Variants in SORCS1 observed in about 807,000 individuals in gnomAD.
SORCS1 encodes the protein sortilin related VPS10 domain containing receptor 1, also known as VPS10 domain-containing receptor SorCS1.
A neutral mutation model predicts 146.1 loss-of-function variants in SORCS1; 60 were observed. The ratio of observed to expected loss-of-function variants is 0.41; its 90% CI spans 0.33 to 0.51. The LOEUF (loss-of-function observed/expected upper bound fraction) is 0.51. SORCS1 is among the 20% of genes least tolerant of loss of function. The pLI is 0.21. For synonymous variants in SORCS1, 637 were observed against 584.0 expected, an observed-to-expected ratio of 1.09 and a Z score of -1.31; for missense variants, 1,352 against 1,487.6, an observed-to-expected ratio of 0.91 and a Z score of 1.50.
chr10:106,897,327 G>A (rs576310652), intron 2 of SORCS1, among the ~76,000 whole-genome samples: 1 of 151,978 alleles, frequency 6.6e-6, no homozygotes, highest in Non-Finnish European at 1.5e-5. Context: ...ACCATACCTG[G>A]CCCCCAAAAC....
At chr10:107,058,170 T>C (rs1308168500) in intron 1 of SORCS1, among the ~76,000 whole-genome samples, 1 of 152,110 alleles carries the variant, frequency 6.6e-6, no homozygotes, top group Non-Finnish European at 1.5e-5. Flanking sequence ...GCCTCCTGAG[T>C]AGCTGGGACT....
intron 1 of SORCS1, among the ~76,000 whole-genome samples, chr10:107,020,327 G>A (rs1157203695): frequency 6.6e-6 from 1 of 152,206 alleles, no homozygotes; most frequent in Non-Finnish European, 1.5e-5. Flanking sequence ...GAGTAGGCCT[G>A]TAGAATTCTG....
At position 106,939,344 on chromosome 10, in the gene SORCS1, A is replaced by T. The variant is rs569258110; in HGVS notation, c.626+17169T>A. Among the ~76,000 whole-genome samples, 7 of 152,328 alleles carry T rather than the reference A, an allele frequency of 4.6e-5. No homozygotes were observed. In the South Asian group the frequency reaches 1.0e-3, roughly 23 times the overall value. ...ATTTGGTTTAGGATTGGAGATGGGGAAGACAAACTTGTGAAATTATCTTAT... is the reference window on the plus strand; with the variant it reads ...ATTTGGTTTAGGATTGGAGATGGGGTAGACAAACTTGTGAAATTATCTTAT... On this transcript the variant is annotated intron_variant, in intron 2 of 25. Transcript: ENST00000263054.
chr10:106,841,402 G>A (rs920626067), intron 2 of SORCS1, among the ~76,000 whole-genome samples: 1 of 152,028 alleles, frequency 6.6e-6, no homozygotes, highest in African/African-American at 2.4e-5. Flanking sequence ...CTCAGGAGGT[G>A]GAGGTTGAAA....
Position 106,877,520 on chromosome 10 carries a change from G to A in SORCS1, c.627-47847C>T, listed in dbSNP as rs1009502572. On this transcript the variant is annotated intron_variant, in intron 2 of 25. Transcript: ENST00000263054. ...TGCACTCCAATCAGGGTGACAGACC[G>A]AGTCCATCTCAAAACAGAACAAAAC... Among the ~76,000 whole-genome samples the A allele has an allele frequency of 6.6e-5, 10 of 152,140 alleles. No homozygotes were observed. In the South Asian group the frequency reaches 1.2e-3, roughly 19 times the overall value.
At chr10:107,092,157 T>C (rs1033581229) in intron 1 of SORCS1, among the ~76,000 whole-genome samples, 1 of 152,212 alleles carries the variant, frequency 6.6e-6, no homozygotes, top group African/African-American at 2.4e-5. Flanking sequence ...AGTTCAGAAA[T>C]GCTTCTAAGC....
At chr10:106,738,344 CA>C (rs1183812547) in intron 5 of SORCS1, among the ~76,000 whole-genome samples, 3 of 152,098 alleles carry the variant, frequency 2.0e-5, no homozygotes, top group African/African-American at 7.2e-5. Flanking sequence ...TAAATGTGAG[CA>C]AATCACAAAG....
chr10:106,629,172 G>A (rs1411186229), intron 19 of SORCS1, 30 bp downstream of exon 19: 1 of 1,582,198 alleles, frequency 6.3e-7, no homozygotes, highest in African/African-American at 1.3e-5. Context: ...ATTTAAGATA[G>A]GTCATAAACC....
At chr10:106,764,006 C>T (rs777298106) in intron 4 of SORCS1, among the ~76,000 whole-genome samples, 14 of 152,284 alleles carry the variant, frequency 9.2e-5, no homozygotes, top group South Asian at 2.1e-4. Flanking sequence ...TTCCTAGTCA[C>T]GTTTCTACCT....
intron 21 of SORCS1, 146 bp downstream of exon 21, chr10:106,618,003 T>G: frequency 1.9e-6 from 2 of 1,038,214 alleles, no homozygotes; most frequent in Non-Finnish European, 2.8e-6. Flanking sequence ...CAGGAGAAGA[T>G]GAGACTCGCC....
chr10:106,945,809 G>A (rs1954309041), intron 2 of SORCS1, among the ~76,000 whole-genome samples: 2 of 152,204 alleles, frequency 1.3e-5, no homozygotes, highest in Admixed American at 1.3e-4. Flanking sequence ...GGCAAACAAG[G>A]AGAGCAGGGG....
rs117584602 is a variant in SORCS1, at chr10:106,614,558, G to A, written c.2921-2535C>T. On this transcript the variant is annotated intron_variant, in intron 21 of 25. Coordinates refer to ENST00000263054, the MANE Select transcript of SORCS1 (RefSeq NM_052918.5). ...ACTAAATAGTGTGGTAAACAGCAGTGCCAAAGAATCACCCATTAAGTCCTC... is the reference window on the plus strand; with the variant it reads ...ACTAAATAGTGTGGTAAACAGCAGTACCAAAGAATCACCCATTAAGTCCTC... 5.6e-3 allele frequency among the ~76,000 whole-genome samples: 849 copies of A among 152,322 alleles called. 2 individuals carry two copies. The highest frequency in any genetic ancestry group is 0.034 in the Middle Eastern group (10 of 294).
rs553460460 is a variant in SORCS1, at chr10:106,916,603, T to C, written c.626+39910A>G. Among the ~76,000 whole-genome samples, 133 of 130,308 alleles carry C rather than the reference T, an allele frequency of 1.0e-3. 1 individual carries two copies. The highest frequency in any genetic ancestry group is 2.8e-3 in the African/African-American group (104 of 36,698). 85.5% of individuals were successfully genotyped at this position (130,308 alleles called of 152,430 possible). A position where few individuals can be genotyped will look rare whatever the true frequency, so the allele number is the denominator to read the frequency against. On this transcript the variant is annotated intron_variant, in intron 2 of 25. Transcript: ENST00000263054. ...ACACACACACACACACACACACACA[T>C]ATGCACAATTAGAAATCAGAAATTG...
chr10:106,712,177 A>G (rs1855043042), intron 6 of SORCS1, among the ~76,000 whole-genome samples: 1 of 152,224 alleles, frequency 6.6e-6, no homozygotes, highest in African/African-American at 2.4e-5. Flanking sequence ...TCAGTCTCAA[A>G]TCTATCTCCC....
At chr10:106,756,570 C>T (rs747225725) in intron 5 of SORCS1, among the ~76,000 whole-genome samples, 3 of 152,084 alleles carry the variant, frequency 2.0e-5, no homozygotes, top group Non-Finnish European at 4.4e-5. Flanking sequence ...TAAAAGGACA[C>T]CTATTCTATT....
chr10:106,761,456 G>A (rs1859101718), intron 5 of SORCS1, 132 bp downstream of exon 5: 1 of 710,768 alleles, frequency 1.4e-6, no homozygotes, highest in East Asian at 2.7e-5. Flanking sequence ...GCCCTGAGGG[G>A]ATGTGGGCAT....
intron 2 of SORCS1, among the ~76,000 whole-genome samples, chr10:106,834,518 C>A (rs866009971): frequency 6.6e-6 from 1 of 151,776 alleles, no homozygotes; most frequent in South Asian, 2.1e-4. Context: ...TTCTGAGCAA[C>A]ACACTTGGGG....
At chr10:106,738,612 G>A (rs189625345) in intron 5 of SORCS1, among the ~76,000 whole-genome samples, 1 of 152,226 alleles carries the variant, frequency 6.6e-6, no homozygotes, top group Non-Finnish European at 1.5e-5. Context: ...AAGACAGGGA[G>A]AAGAGAGAAC....
In SORCS1 at chr10:106,612,005, C is replaced by G; in HGVS notation, c.2939G>C (p.Arg980Pro). 2 of 1,613,918 alleles carry G rather than the reference C, an allele frequency of 1.2e-6. No individual in the cohort carries two copies. Among genetic ancestry groups the G allele is most frequent in the Non-Finnish European group, 1.7e-6 (2 of 1,179,898 alleles). Residue 980 changes from arginine (R) to proline (P), a missense_variant, in exon 22 of 26, where the codon CGC becomes CCC. Arg to Pro is a moderately radical substitution (Grantham distance 103). Coordinates refer to ENST00000263054, the MANE Select transcript of SORCS1 (RefSeq NM_052918.5). Reference protein sequence around the residue: ...IAVYEEFRSLRLSFSPNLDDY... With the variant: ...IAVYEEFRSLPLSFSPNLDDY... ...ATCCAGGTTTGGAGAAAAGGACAAG[C>G]GAAGAGACCGGAATTCCTCTGGGGA...
Sources: allele counts gnomAD v4.1 joint callset (sites outside exome capture counted in the v4.1 genomes callset), GRCh38; gene constraint gnomAD v4.1.1; transcripts MANE v1.5; gene names NCBI Gene and HGNC (gene_info 2026-07-23, HGNC 2026-07-21).